The following ST6GALNAC3 variants were observed in gnomAD, a reference collection of about 807,000 sequenced individuals.
ST6GALNAC3 encodes ST6 N-acetylgalactosaminide alpha-2,6-sialyltransferase 3.
A neutral mutation model predicts 32.7 loss-of-function variants in ST6GALNAC3; 25 were observed. The ratio of observed to expected loss-of-function variants is 0.76; its 90% CI spans 0.56 to 1.07. ST6GALNAC3 has a LOEUF of 1.07. Among genes scored for constraint, ST6GALNAC3 ranks in the 50% least tolerant of loss-of-function variants. The pLI, the probability that ST6GALNAC3 is intolerant of heterozygous loss-of-function variation, is 0.00. For synonymous variants in ST6GALNAC3, 129 were observed against 133.1 expected, an observed-to-expected ratio of 0.97 and a Z score of 0.21; for missense variants, 355 against 382.4, an observed-to-expected ratio of 0.93 and a Z score of 0.60.
intron 2 of ST6GALNAC3, among the ~76,000 whole-genome samples, chr1:76,347,220 G>T (rs567492451): frequency 3.3e-5 from 5 of 152,240 alleles, no homozygotes; most frequent in South Asian, 2.1e-4. Context: ...AGAGGCAAAT[G>T]ATTTCTAACA....
At chr1:76,192,397 G>T (rs1368497668) in intron 1 of ST6GALNAC3, among the ~76,000 whole-genome samples, 2 of 152,292 alleles carry the variant, frequency 1.3e-5, no homozygotes, top group South Asian at 4.1e-4. Context: ...ATCAAGAGCT[G>T]CTCTCTAGTC....
chr1:76,540,385 G>C (rs1479054746), intron 3 of ST6GALNAC3, among the ~76,000 whole-genome samples: 1 of 151,736 alleles, frequency 6.6e-6, no homozygotes, highest in African/African-American at 2.4e-5. Flanking sequence ...AGGGAACTTA[G>C]AGGACGGATC....
rs1016838162 is a variant in ST6GALNAC3 at position 76,475,638 on chromosome 1, G to A, written c.623+63221G>A. The stretch of plus-strand genomic sequence containing the variant: ...GCAGATGATTTTAAAATTTACAAGT[G>A]TCATTAAGATTTCTCTCCTAGGGTA... On this transcript the variant is annotated intron_variant, in intron 3 of 4. Coordinates refer to ENST00000328299, the MANE Select transcript of ST6GALNAC3 (RefSeq NM_152996.4). Among the ~76,000 whole-genome samples, 4 of 152,238 alleles carry A rather than the reference G, an allele frequency of 2.6e-5. No individual in the cohort carries two copies. In the South Asian group the frequency reaches 8.3e-4, roughly 32 times the overall value.
chr1:76,594,365 AG>A (rs1647098775), intron 3 of ST6GALNAC3, among the ~76,000 whole-genome samples: 1 of 152,138 alleles, frequency 6.6e-6, no homozygotes, highest in South Asian at 2.1e-4. Flanking sequence ...AACTCTTTAA[AG>A]GTTATAGCCT....
chr1:76,194,542 A>G (rs906216436), intron 1 of ST6GALNAC3, among the ~76,000 whole-genome samples: 64 of 152,272 alleles, frequency 4.2e-4, no homozygotes, highest in African/African-American at 1.5e-3. Context: ...ATGAAAAATA[A>G]TTATATTTCC....
At chr1:76,152,044 T>C (rs1359022298) in intron 1 of ST6GALNAC3, among the ~76,000 whole-genome samples, 1 of 152,172 alleles carries the variant, frequency 6.6e-6, no homozygotes, top group African/African-American at 2.4e-5. Flanking sequence ...GGAACAATAT[T>C]GTCCTTCCCA....
chr1:76,539,665 A>G (rs1358671990), intron 3 of ST6GALNAC3, among the ~76,000 whole-genome samples: 1 of 47,440 alleles, frequency 2.1e-5, no homozygotes, highest in Non-Finnish European at 7.6e-5. Flanking sequence ...TAAATTTGCA[A>G]GAAAAAAAAA....
intron 3 of ST6GALNAC3, among the ~76,000 whole-genome samples, chr1:76,472,483 T>C (rs1311399184): frequency 6.6e-6 from 1 of 152,096 alleles, no homozygotes; most frequent in African/African-American, 2.4e-5. Flanking sequence ...TGACAGTGGA[T>C]GAACAGTTGA....
intron 1 of ST6GALNAC3, among the ~76,000 whole-genome samples, chr1:76,145,626 G>C (rs1650631445): frequency 6.6e-6 from 1 of 152,204 alleles, no homozygotes; most frequent in Admixed American, 6.5e-5. Context: ...TTCTGATTCA[G>C]GACTGCATGG....
chr1:76,313,756 T>C, intron 1 of ST6GALNAC3, 49 bp from the exon 2 acceptor site: 1 of 1,595,610 alleles, frequency 6.3e-7, no homozygotes. Flanking sequence ...GTGACTGCCT[T>C]TGGTTGAAAG....
rs187962250 is a variant in ST6GALNAC3, at chr1:76,406,575, C to G, written c.214-5433C>G. Among the ~76,000 whole-genome samples the G allele has an allele frequency of 1.3e-4, 19 of 151,990 alleles. No individual in the cohort carries two copies. In the East Asian group the frequency reaches 3.5e-3, roughly 28 times the overall value. On this transcript the variant is annotated intron_variant, in intron 2 of 4. Transcript: ENST00000328299. Reference sequence around the variant, plus strand: ...AATAATTTTTTATGTCATGCTAGCACTATTGCCAAAAAGGAATAGTGGTGA... The same window carrying G: ...AATAATTTTTTATGTCATGCTAGCAGTATTGCCAAAAAGGAATAGTGGTGA...
chr1:76,504,165 T>C (rs1254688969), intron 3 of ST6GALNAC3, among the ~76,000 whole-genome samples: 1 of 152,172 alleles, frequency 6.6e-6, no homozygotes, highest in African/African-American at 2.4e-5. Flanking sequence ...TGAGAGGCAA[T>C]GTGTCCCATG....
At chr1:76,546,533 A>G (rs1230069623) in intron 3 of ST6GALNAC3, among the ~76,000 whole-genome samples, 1 of 152,218 alleles carries the variant, frequency 6.6e-6, no homozygotes, top group Non-Finnish European at 1.5e-5. Context: ...CAACAGAAAT[A>G]AAATGCAAAT....
intron 2 of ST6GALNAC3, among the ~76,000 whole-genome samples, chr1:76,324,632 A>G (rs1317930064): frequency 6.6e-6 from 1 of 152,212 alleles, no homozygotes; most frequent in East Asian, 1.9e-4. Flanking sequence ...AGAAACCCCC[A>G]CAGCCAAGAG....
At chr1:76,426,371 T>C (rs1327794057) in intron 3 of ST6GALNAC3, among the ~76,000 whole-genome samples, 1 of 151,730 alleles carries the variant, frequency 6.6e-6, no homozygotes, top group African/African-American at 2.4e-5. Context: ...GTTAGTTCAT[T>C]ATCCTAGGCC....
chr1:76,260,158 A>G (rs1658145155), intron 1 of ST6GALNAC3, among the ~76,000 whole-genome samples: 1 of 152,196 alleles, frequency 6.6e-6, no homozygotes, highest in Admixed American at 6.5e-5. Flanking sequence ...ATTTGGAGTA[A>G]TCCTGGTTTG....
At chr1:76,336,997 A>G (rs1647533872) in intron 2 of ST6GALNAC3, among the ~76,000 whole-genome samples, 1 of 152,224 alleles carries the variant, frequency 6.6e-6, no homozygotes, top group Non-Finnish European at 1.5e-5. Context: ...GCCAGAGTGG[A>G]GACAAGCGGG....
chr1:76,177,519 A>G (rs1176909022), intron 1 of ST6GALNAC3, among the ~76,000 whole-genome samples: 1 of 152,110 alleles, frequency 6.6e-6, no homozygotes, highest in Non-Finnish European at 1.5e-5. Context: ...TCAGTATTTA[A>G]TTGTAACTGA....
At chr1:76,583,065 C>T (rs1341153654) in intron 3 of ST6GALNAC3, among the ~76,000 whole-genome samples, 1 of 152,116 alleles carries the variant, frequency 6.6e-6, no homozygotes, top group Non-Finnish European at 1.5e-5. Flanking sequence ...TTTTCAGATA[C>T]TCAGAGTGCC....
Sources: allele counts gnomAD v4.1 joint callset (sites outside exome capture counted in the v4.1 genomes callset), GRCh38; gene constraint gnomAD v4.1.1; transcripts MANE v1.5; gene names NCBI Gene and HGNC (gene_info 2026-07-23, HGNC 2026-07-21).